The following DCAF7 variants were observed in gnomAD, a reference collection of about 807,000 sequenced individuals.
The protein encoded by DCAF7 is DDB1 and CUL4 associated factor 7, also known as DDB1- and CUL4-associated factor 7.
In DCAF7, 4 loss-of-function variants were observed where a neutral mutation model predicts 41.2. The observed-to-expected ratio is 0.10, with a 90% CI of 0.05 to 0.22. The LOEUF (loss-of-function observed/expected upper bound fraction) is 0.22, where lower values mean the gene tolerates loss of function less well. Among genes scored for constraint, DCAF7 ranks in the 10% least tolerant of loss-of-function variants. The pLI is 1.00. For synonymous variants in DCAF7, 143 were observed against 164.2 expected (o/e 0.87, Z 0.99); for missense variants, 131 against 443.2 (o/e 0.30, Z 6.32).
chr17:63,585,357 G>A (rs1198006859), intron 6 of DCAF7, 29 bp downstream of exon 6: 4 of 1,580,872 alleles, frequency 2.5e-6, no homozygotes, highest in Non-Finnish European at 3.5e-6. Flanking sequence ...AAGAAATCTG[G>A]GAAGGATGGA....
intron 1 of DCAF7, among the ~76,000 whole-genome samples, chr17:63,562,313 T>C (rs1012266027): frequency 2.0e-5 from 3 of 152,044 alleles, no homozygotes; most frequent in Non-Finnish European, 2.9e-5. Flanking sequence ...CGTCTAATTA[T>C]AAAGGAAAGT....
chr17:63,585,172 C>T (rs1316380441), intron 5 of DCAF7, 39 bp from the exon 6 acceptor site: 1 of 1,543,946 alleles, frequency 6.5e-7, no homozygotes, highest in East Asian at 2.3e-5. Context: ...TTCTATGAAA[C>T]TCTGATGATC....
chr17:63,559,437 G>GTA (rs1178112381), intron 1 of DCAF7, among the ~76,000 whole-genome samples: 2 of 113,594 alleles, frequency 1.8e-5, no homozygotes, highest in Non-Finnish European at 3.4e-5. Context: ...ATATATGTGT[G>GTA]TGTATATATA....
In DCAF7 at chr17:63,583,550, G is replaced by A; in HGVS notation, c.577G>A (p.Ala193Thr). The A allele has an allele frequency of 6.2e-7, 1 of 1,613,932 alleles. No individual in the cohort carries two copies. Among genetic ancestry groups the A allele is most frequent in the Non-Finnish European group, 8.5e-7 (1 of 1,179,870 alleles). Residue 193 changes from alanine to threonine, a missense_variant, in exon 5 of 7, where the codon GCC (alanine) becomes ACC (threonine). Transcript: ENST00000614556. ...SRAGGGRDMF[A>T]SVGADGSVRM... is the part of the protein sequence containing the mutation. The stretch of plus-strand genomic sequence containing the variant: ...GGCCGGGGGTGGCAGGGACATGTTT[G>A]CCTCTGTGGGTGCTGATGGCTCGGT...
At position 63,552,833 on chromosome 17, in the gene DCAF7, T is replaced by G. The variant is rs955474172; in HGVS notation, c.138+2018T>G. On this transcript the variant is annotated intron_variant, in intron 1 of 6. Transcript: ENST00000614556. ...TTTCATTTAGCAACTATCTGGAGCT[T>G]CCTCTTTGTGACAGGCACACAGGTA... Among the ~76,000 whole-genome samples, 5 of 152,320 alleles carry G rather than the reference T, an allele frequency of 3.3e-5. No homozygotes were observed. In the East Asian group the frequency reaches 7.7e-4, roughly 23 times the overall value.
chr17:63,579,125 AG>A (rs963540667), intron 2 of DCAF7, among the ~76,000 whole-genome samples: 2 of 152,200 alleles, frequency 1.3e-5, no homozygotes, highest in African/African-American at 4.8e-5. Context: ...AGGAAGGTGC[AG>A]GGATGAAAAT....
chr17:63,566,370 CA>C (rs144975724), intron 1 of DCAF7, among the ~76,000 whole-genome samples: 5,594 of 142,074 alleles, frequency 0.039, 125 homozygotes, highest in Non-Finnish European at 0.044. Context: ...GACTCTGTCT[CA>C]AAAAAAAAAA....
At chr17:63,563,635 C>T (rs2033407213) in intron 1 of DCAF7, among the ~76,000 whole-genome samples, 1 of 151,922 alleles carries the variant, frequency 6.6e-6, no homozygotes, top group South Asian at 2.1e-4. Flanking sequence ...TGGTGAAATC[C>T]CATCTCTATA....
chr17:63,576,541 G>A (rs80092150), intron 1 of DCAF7, among the ~76,000 whole-genome samples: 1,964 of 152,272 alleles, frequency 0.013, 33 homozygotes, highest in African/African-American at 0.044. Context: ...TAAATATGAA[G>A]CCTAAAACTA....
chr17:63,577,611 C>T (rs2033576461), intron 1 of DCAF7, among the ~76,000 whole-genome samples: 1 of 152,156 alleles, frequency 6.6e-6, no homozygotes, highest in South Asian at 2.1e-4. Flanking sequence ...TTTGGGCTCT[C>T]AAACGGTCAT....
chr17:63,571,787 T>C (rs748374039), intron 1 of DCAF7, among the ~76,000 whole-genome samples: 28 of 152,006 alleles, frequency 1.8e-4, no homozygotes, highest in Non-Finnish European at 3.5e-4. Flanking sequence ...ATTGTCAAAC[T>C]TTGCTGAAAT....
intron 1 of DCAF7, among the ~76,000 whole-genome samples, chr17:63,572,478 G>A (rs767620090): frequency 1.3e-5 from 2 of 152,164 alleles, no homozygotes; most frequent in Non-Finnish European, 2.9e-5. Context: ...GGGCTGGGTG[G>A]TAGAAAGTCT....
chr17:63,554,650 G>A (rs1425644348), intron 1 of DCAF7, among the ~76,000 whole-genome samples: 2 of 152,160 alleles, frequency 1.3e-5, no homozygotes, highest in Non-Finnish European at 2.9e-5. Context: ...TAAAATTAGG[G>A]CAATAAATAA....
chr17:63,584,208 G>C (rs570100585), intron 5 of DCAF7, among the ~76,000 whole-genome samples: 8 of 152,158 alleles, frequency 5.3e-5, no homozygotes, highest in Non-Finnish European at 2.9e-5. Flanking sequence ...TCTGGGTCAC[G>C]CCTGTAATCC....
At chr17:63,571,181 G>A (rs148770405) in intron 1 of DCAF7, among the ~76,000 whole-genome samples, 6 of 150,042 alleles carry the variant, frequency 4.0e-5, no homozygotes, top group African/African-American at 9.8e-5. Flanking sequence ...GTGAGTCTCC[G>A]TCTCAAAAAA....
At position 63,559,455 on chromosome 17, in the gene DCAF7, A is replaced by T. The variant is rs531819903; in HGVS notation, c.138+8640A>T. Among the ~76,000 whole-genome samples, 375 of 142,222 alleles carry T rather than the reference A, an allele frequency of 2.6e-3. 3 individuals are homozygous for T. Among genetic ancestry groups the T allele is most frequent in the Middle Eastern group, 0.011 (3 of 270 alleles). The allele number at this position is 142,222 out of a possible 152,430, so 93.3% of individuals were successfully genotyped here. A position where few individuals can be genotyped will look rare whatever the true frequency, so the allele number is the denominator to read the frequency against. ...TATGTGTGTGTATATATATATATAT[A>T]TATTTTTAATAATTGGTATTGAAAC... On this transcript the variant is annotated intron_variant, in intron 1 of 6. Coordinates refer to ENST00000614556, the MANE Select transcript of DCAF7 (RefSeq NM_005828.5).
chr17:63,582,853 G>A (rs998839977), intron 4 of DCAF7, among the ~76,000 whole-genome samples: 1 of 152,176 alleles, frequency 6.6e-6, no homozygotes, highest in African/African-American at 2.4e-5. Context: ...GCAAATAAAA[G>A]CAGAAAACAG....
At chr17:63,566,243 C>T (rs974682651) in intron 1 of DCAF7, among the ~76,000 whole-genome samples, 1 of 151,598 alleles carries the variant, frequency 6.6e-6, no homozygotes, top group African/African-American at 2.4e-5. Context: ...TGGTGGTAGG[C>T]GCCTGTAGTC....
intron 1 of DCAF7, among the ~76,000 whole-genome samples, chr17:63,572,387 T>A (rs1322513427): frequency 6.6e-6 from 1 of 152,098 alleles, no homozygotes; most frequent in Non-Finnish European, 1.5e-5. Flanking sequence ...GTATGAGGAT[T>A]TTACAGGTAT....
Sources: gnomAD v4.1 joint callset for allele counts (sites outside exome capture counted in the v4.1 genomes callset) on GRCh38, gnomAD v4.1.1 for gene constraint, MANE v1.5 for transcripts, NCBI Gene and HGNC (gene_info 2026-07-23, HGNC 2026-07-21) for gene names.